IL2RA: variants seen among roughly 807,000 people sequenced by gnomAD.
The protein encoded by IL2RA is interleukin-2 receptor subunit alpha.
A neutral mutation model predicts 37.8 loss-of-function variants in IL2RA; 24 were observed. That is an observed-to-expected ratio of 0.63 (90% CI 0.46 to 0.89). The LOEUF (loss-of-function observed/expected upper bound fraction) is 0.89. IL2RA is among the 40% of genes least tolerant of loss of function. The pLI is 0.00. For synonymous variants in IL2RA, 125 were observed against 114.6 expected (o/e 1.09, Z -0.58); for missense variants, 319 against 348.6 (o/e 0.92, Z 0.68).
rs1840059529 is a variant in IL2RA, at chr10:6,057,221, T to C, written c.64+4867A>G. On this transcript the variant is annotated intron_variant, in intron 1 of 7. Coordinates refer to ENST00000379959, the MANE Select transcript of IL2RA (RefSeq NM_000417.3). This position sits in a 1 kb window ranked among gnomAD's most constrained non-coding sequence, Gnocchi z 4.8. ...GGCATGAGAGATATTGGATAGATTT[T>C]GAGAATTGAGTGAGTGGAGTTTTTG... 6.6e-6 allele frequency among the ~76,000 whole-genome samples: 1 copy of C among 152,198 alleles called. No individual in the cohort carries two copies. Among genetic ancestry groups the C allele is most frequent in the Non-Finnish European group, 1.5e-5 (1 of 68,020 alleles).
chr10:6,021,798 C>G lies in IL2RA; in HGVS notation c.368-105G>C. ...TGGACCTTGGTTCTTACTCTCTTGACTGCTTGCTCATCCTTTCATTCAACC... is the reference window on the plus strand; with the variant it reads ...TGGACCTTGGTTCTTACTCTCTTGAGTGCTTGCTCATCCTTTCATTCAACC... On this transcript the variant is annotated intron_variant, in intron 3 of 7. Coordinates refer to ENST00000379959, the MANE Select transcript of IL2RA (RefSeq NM_000417.3). The surrounding 1 kb of genome is among the most constrained non-coding windows in gnomAD (Gnocchi z 4.9). 2 of 858,204 alleles carry G rather than the reference C, an allele frequency of 2.3e-6. No homozygotes were observed. The highest frequency in any genetic ancestry group is 3.9e-6 in the Non-Finnish European group (2 of 514,178). The allele number at this position is 858,204 out of a possible 1,614,324, so 53.2% of individuals were successfully genotyped here.
chr10:6,019,785 C>T (rs765936906), intron 5 of IL2RA, 85 bp downstream of exon 5: 55 of 1,288,324 alleles, frequency 4.3e-5, no homozygotes, highest in Middle Eastern at 1.8e-4. Context: ...AGGTCACCTC[C>T]GCCTATCTCC....
At chr10:6,019,820 T>C (rs1439721254) in intron 5 of IL2RA, 50 bp downstream of exon 5, 2 of 1,549,646 alleles carry the variant, frequency 1.3e-6, no homozygotes, top group Admixed American at 1.7e-5. Context: ...TGGTCACCTC[T>C]GCCCTTTTGG....
In IL2RA at chr10:6,062,077, C is replaced by T; in HGVS notation, c.64+11G>A. ...CTTCCCGGAATTCCGGGGGCACCCA[C>T]AGGCCCTTACCTGCCTGGCAGCCAG... On this transcript the variant is annotated intron_variant, in intron 1 of 7. Transcript: ENST00000379959. The T allele has an allele frequency of 6.2e-7, 1 of 1,612,970 alleles. No individual in the cohort carries two copies. The highest frequency in any genetic ancestry group is 8.5e-7 in the Non-Finnish European group (1 of 1,178,958).
rs937614793 is a variant in IL2RA at position 6,020,150 on chromosome 10, T to C, written c.584-209A>G. Among the ~76,000 whole-genome samples, 17 of 152,216 alleles carry C rather than the reference T, an allele frequency of 1.1e-4. No individual in the cohort carries two copies. The highest frequency in any genetic ancestry group is 4.1e-4 in the African/African-American group (17 of 41,458). ...GTGGTCTCAGCAGAGCAGACGAGGCTGAATTCTAACTCTGACCCTAGCTGT... is the reference window on the plus strand; with the variant it reads ...GTGGTCTCAGCAGAGCAGACGAGGCCGAATTCTAACTCTGACCCTAGCTGT... On this transcript the variant is annotated intron_variant, in intron 4 of 7. Coordinates refer to ENST00000379959, the MANE Select transcript of IL2RA (RefSeq NM_000417.3). The surrounding 1 kb of genome is among the most constrained non-coding windows in gnomAD (Gnocchi z 5.6).
At chr10:6,055,357 T>C (rs1840026990) in intron 1 of IL2RA, among the ~76,000 whole-genome samples, 1 of 152,034 alleles carries the variant, frequency 6.6e-6, no homozygotes, top group African/African-American at 2.4e-5. Flanking sequence ...GAAGGTATTG[T>C]GATGTTCGGT....
In IL2RA at chr10:6,029,410, C is replaced by T. The variant is rs1032339211; in HGVS notation, c.65-3385G>A. The stretch of plus-strand genomic sequence containing the variant: ...GAACTCCTGACCTCAGGTGATCCAC[C>T]TGCCTCGGCCTCCCAAAGTGCTAGG... On this transcript the variant is annotated intron_variant, in intron 1 of 7. Coordinates refer to ENST00000379959, the MANE Select transcript of IL2RA (RefSeq NM_000417.3). This position sits in a 1 kb window ranked among gnomAD's most constrained non-coding sequence, Gnocchi z 4.6. 8.5e-5 allele frequency among the ~76,000 whole-genome samples: 13 copies of T among 152,062 alleles called. No homozygotes were observed. Among genetic ancestry groups the T allele is most frequent in the Non-Finnish European group, 4.4e-5 (3 of 68,012 alleles).
At chr10:6,030,410 C>T (rs1055138270) in intron 1 of IL2RA, among the ~76,000 whole-genome samples, 10 of 152,100 alleles carry the variant, frequency 6.6e-5, no homozygotes, top group African/African-American at 1.2e-4. Context: ...GGAAAGGACA[C>T]GTACCTACAG....
chr10:6,046,072 AG>A lies in IL2RA; in HGVS notation c.64+16015del, dbSNP rs1839851440. Among the ~76,000 whole-genome samples, 1 of 152,174 alleles carries A rather than the reference AG, an allele frequency of 6.6e-6. No homozygotes were observed. Among genetic ancestry groups the A allele is most frequent in the African/African-American group, 2.4e-5 (1 of 41,444 alleles). ...TCCAGAGCTCTCCTCAGGGGTTCCC[AG>A]CAGCCAGGCTCACTCTGCCCTGCTC... On this transcript the variant is annotated intron_variant, in intron 1 of 7. Coordinates refer to ENST00000379959, the MANE Select transcript of IL2RA (RefSeq NM_000417.3). This position sits in a 1 kb window ranked among gnomAD's most constrained non-coding sequence, Gnocchi z 4.8.
Position 6,020,005 on chromosome 10 carries a change from C to G in IL2RA, c.584-64G>C, listed in dbSNP as rs1026544728. The G allele has an allele frequency of 1.4e-6, 2 of 1,412,868 alleles. No individual in the cohort carries two copies. Among genetic ancestry groups the G allele is most frequent in the African/African-American group, 1.4e-5 (1 of 70,914 alleles). 87.5% of individuals were successfully genotyped at this position (1,412,868 alleles called of 1,614,324 possible). ...CAGGAGTCAGGGCCTCACTCCCACC[C>G]CGCCTGCCCCAGGCAGCCGGCCCCA... On this transcript the variant is annotated intron_variant, in intron 4 of 7. Transcript: ENST00000379959. The surrounding 1 kb of genome is among the most constrained non-coding windows in gnomAD (Gnocchi z 5.6).
Position 6,028,827 on chromosome 10 carries a change from A to G in IL2RA, c.65-2802T>C, listed in dbSNP as rs1213112503. ...AGCCTGGCCAGCATGGTGACATCCC[A>G]TCTATACTAAAAATACAAAAGATCA... On this transcript the variant is annotated intron_variant, in intron 1 of 7. Transcript: ENST00000379959. The surrounding 1 kb of genome is among the most constrained non-coding windows in gnomAD (Gnocchi z 4.1). Among the ~76,000 whole-genome samples, 1 of 152,190 alleles carries G rather than the reference A, an allele frequency of 6.6e-6. No homozygotes were observed. Among genetic ancestry groups the G allele is most frequent in the African/African-American group, 2.4e-5 (1 of 41,528 alleles).
intron 1 of IL2RA, among the ~76,000 whole-genome samples, chr10:6,061,253 G>A (rs1216287856): frequency 6.6e-6 from 1 of 152,070 alleles, no homozygotes; most frequent in Non-Finnish European, 1.5e-5. Flanking sequence ...CAGGTGTGGT[G>A]GCGTATGCCT....
chr10:6,024,324 G>T lies in IL2RA; in HGVS notation c.287C>A (p.Pro96His). The change falls in exon 3 of 8, where the codon CCT becomes CAT. Residue 96 changes from proline to histidine, a missense_variant. Pro to His is a moderately conservative substitution (Grantham distance 77). Transcript: ENST00000379959. ...ATRNTTKQVT[P>H]QPEEQKERKT... is the part of the protein sequence containing the mutation. ...CCTTTCTTTCTGTTCTTCAGGTTGA[G>T]GTGTCACTTGTTTCGTTGTGTTCCG... The T allele has an allele frequency of 6.2e-7, 1 of 1,614,004 alleles. No homozygotes were observed. The highest frequency in any genetic ancestry group is 8.5e-7 in the Non-Finnish European group (1 of 1,179,874).
At chr10:6,049,745 G>A (rs1264882759) in intron 1 of IL2RA, among the ~76,000 whole-genome samples, 1 of 152,214 alleles carries the variant, frequency 6.6e-6, no homozygotes, top group Admixed American at 6.5e-5. Flanking sequence ...AGAATGGCAT[G>A]CAAAGGTTTT....
intron 1 of IL2RA, among the ~76,000 whole-genome samples, chr10:6,034,047 G>T (rs2132871718): frequency 6.6e-6 from 1 of 152,332 alleles, no homozygotes; most frequent in African/African-American, 2.4e-5. Context: ...AATTTGAAAA[G>T]AAGGAAACAA....
At chr10:6,026,792 G>A (rs1308648555) in intron 1 of IL2RA, among the ~76,000 whole-genome samples, 1 of 152,216 alleles carries the variant, frequency 6.6e-6, no homozygotes, top group Non-Finnish European at 1.5e-5. Flanking sequence ...ACGGGGAGAT[G>A]ACAGGGACAG....
chr10:6,017,916 G>T, intron 7 of IL2RA, 137 bp downstream of exon 7: 2 of 730,672 alleles, frequency 2.7e-6, no homozygotes, highest in East Asian at 2.7e-5. Flanking sequence ...TCCGAGGCAT[G>T]GATTGGCCTC....
At position 6,056,371 on chromosome 10, in the gene IL2RA, A is replaced by C. The variant is rs1326083230; in HGVS notation, c.64+5717T>G. Among the ~76,000 whole-genome samples, 1 of 152,276 alleles carries C rather than the reference A, an allele frequency of 6.6e-6. No individual in the cohort carries two copies. The highest frequency in any genetic ancestry group is 1.5e-5 in the Non-Finnish European group (1 of 68,052). ...TGCAGGGAATATTGAACTGAAATTT[A>C]AGAGGGCTGGATTCAAGTTCAGCTT... On this transcript the variant is annotated intron_variant, in intron 1 of 7. Coordinates refer to ENST00000379959, the MANE Select transcript of IL2RA (RefSeq NM_000417.3). The surrounding 1 kb of genome is among the most constrained non-coding windows in gnomAD (Gnocchi z 5.0).
Position 6,044,198 on chromosome 10 carries a change from G to A in IL2RA, c.64+17890C>T, listed in dbSNP as rs554805563. On this transcript the variant is annotated intron_variant, in intron 1 of 7. Coordinates refer to ENST00000379959, the MANE Select transcript of IL2RA (RefSeq NM_000417.3). This position sits in a 1 kb window ranked among gnomAD's most constrained non-coding sequence, Gnocchi z 4.5. The stretch of plus-strand genomic sequence containing the variant: ...TAGTGATGCAGGACAAGCGAGCCCC[G>A]AGGTGGGGCTTAGCCCGCAAGGGTT... Among the ~76,000 whole-genome samples the A allele has an allele frequency of 2.6e-5, 4 of 152,368 alleles. No homozygotes were observed. Among genetic ancestry groups the A allele is most frequent in the Non-Finnish European group, 2.9e-5 (2 of 68,034 alleles).
Sources: gnomAD v4.1 joint callset for allele counts (sites outside exome capture counted in the v4.1 genomes callset) on GRCh38, gnomAD v4.1.1 for gene constraint, Gnocchi (gnomAD v3.1) non-coding constraint, MANE v1.5 for transcripts, NCBI Gene and HGNC (gene_info 2026-07-23, HGNC 2026-07-21) for gene names.